The following RAD54B variants were observed in gnomAD, a reference collection of about 807,000 sequenced individuals.
RAD54B encodes the protein DNA repair and recombination protein RAD54B.
A neutral mutation model predicts 95.8 loss-of-function variants in RAD54B; 78 were observed. That is an observed-to-expected ratio of 0.81 (90% CI 0.68 to 0.98). The LOEUF (loss-of-function observed/expected upper bound fraction) is 0.98, where lower values mean the gene tolerates loss of function less well. RAD54B is among the 50% of genes least tolerant of loss of function. The probability of loss-of-function intolerance (pLI) is 0.00; values close to 1 mark genes in which losing one functional copy is unlikely to be tolerated. For missense variants in RAD54B, 957 were observed against 1,056.6 expected (o/e 0.91, Z 1.31); for synonymous variants, 328 against 354.9 (o/e 0.92, Z 0.85).
intron 4 of RAD54B, among the ~76,000 whole-genome samples, chr8:94,408,235 T>C (rs1811441621): frequency 6.6e-6 from 1 of 152,186 alleles, no homozygotes; most frequent in African/African-American, 2.4e-5. Flanking sequence ...AACTCTTTAA[T>C]AAAACATGGA....
chr8:94,382,001 C>T (rs1289122709), intron 11 of RAD54B, among the ~76,000 whole-genome samples: 1 of 151,626 alleles, frequency 6.6e-6, no homozygotes, highest in Admixed American at 6.6e-5. Flanking sequence ...GTAGTCCCAG[C>T]TACTCCGGAG....
chr8:94,434,427 AAC>A (rs958467082), intron 3 of RAD54B, among the ~76,000 whole-genome samples: 1 of 151,938 alleles, frequency 6.6e-6, no homozygotes, highest in African/African-American at 2.4e-5. Flanking sequence ...AGTTTACAAA[AAC>A]ACAAAATATA....
At chr8:94,427,906 G>C (rs1263648292) in intron 3 of RAD54B, 22 of 932,916 alleles carry the variant, frequency 2.4e-5, no homozygotes, top group Non-Finnish European at 2.8e-5. Flanking sequence ...CATAAGTAAA[G>C]ATAGAACAGG....
chr8:94,443,256 T>C (rs1021793688), intron 3 of RAD54B, among the ~76,000 whole-genome samples: 2 of 152,010 alleles, frequency 1.3e-5, no homozygotes, highest in Non-Finnish European at 2.9e-5. Flanking sequence ...CACTTATAAG[T>C]GGGAGCTGAA....
intron 3 of RAD54B, among the ~76,000 whole-genome samples, chr8:94,442,382 C>CTA (rs1346939749): frequency 2.6e-5 from 4 of 152,004 alleles, no homozygotes; most frequent in Non-Finnish European, 5.9e-5. Context: ...ACCATCCTGG[C>CTA]TAACATGGTG....
At position 94,399,496 on chromosome 8, in the gene RAD54B, C is replaced by A; in HGVS notation, c.1296G>T (p.Glu432Asp). 1 of 1,613,618 alleles carries A rather than the reference C, an allele frequency of 6.2e-7. No homozygotes were observed. Among genetic ancestry groups the A allele is most frequent in the Non-Finnish European group, 8.5e-7 (1 of 1,179,706 alleles). The change falls in exon 8 of 15, where the codon GAG (glutamate) becomes GAT (aspartate). Residue 432 changes from glutamate to aspartate, a missense_variant. Glu to Asp is a conservative substitution (Grantham distance 45). Coordinates refer to ENST00000336148, the MANE Select transcript of RAD54B (RefSeq NM_012415.3). Reference protein sequence around the residue: ...NIKFDLLICDEGHRLKNSAIK... With the variant: ...NIKFDLLICDDGHRLKNSAIK... Reference sequence around the variant, plus strand: ...TGGCACTGTTCTTCAAACGATGCCCCTCGTCACAGATTAGAAGATCAAATT... The same window carrying A: ...TGGCACTGTTCTTCAAACGATGCCCATCGTCACAGATTAGAAGATCAAATT...
At position 94,378,337 on chromosome 8, in the gene RAD54B, T is replaced by C. The variant is rs1162645187; in HGVS notation, c.2358A>G (p.Gln786=). 1 of 1,614,056 alleles carries C rather than the reference T, an allele frequency of 6.2e-7. No individual in the cohort carries two copies. The highest frequency in any genetic ancestry group is 8.5e-7 in the Non-Finnish European group (1 of 1,179,974). The change falls in exon 14 of 15, where the codon CAA becomes CAG. Residue 786 remains glutamine (Q), a synonymous_variant. Transcript: ENST00000336148. ...GGTCGACAACTGCCCCACAAAGACC[T>C]TGCTTACTGATCTGCCTTTGATAGA... is the stretch of plus-strand genomic sequence containing the variant. ...EKIYQRQISK[Q]GLCGAVVDLT...
At chr8:94,453,304 G>A (rs1045708909) in intron 3 of RAD54B, among the ~76,000 whole-genome samples, 6 of 152,060 alleles carry the variant, frequency 3.9e-5, no homozygotes, top group African/African-American at 7.2e-5. Context: ...TGAGGTGGGC[G>A]GATCACTTGA....
chr8:94,454,228 A>C (rs866227025), intron 3 of RAD54B, among the ~76,000 whole-genome samples: 2 of 152,114 alleles, frequency 1.3e-5, no homozygotes, highest in African/African-American at 4.8e-5. Flanking sequence ...AGGTAAACCC[A>C]TAGAGACAGA....
At chr8:94,397,138 C>A (rs1459475814) in intron 8 of RAD54B, among the ~76,000 whole-genome samples, 1 of 152,130 alleles carries the variant, frequency 6.6e-6, no homozygotes, top group African/African-American at 2.4e-5. Context: ...ATATTAACTC[C>A]ACAGCACTGG....
At chr8:94,436,892 A>C (rs978559543) in intron 3 of RAD54B, 2 of 1,490,170 alleles carry the variant, frequency 1.3e-6, no homozygotes, top group African/African-American at 2.8e-5. Context: ...TTAAGTAGGC[A>C]GTTTCTGAAA....
chr8:94,374,625 G>A (rs1810522714), intron 14 of RAD54B, among the ~76,000 whole-genome samples: 1 of 152,030 alleles, frequency 6.6e-6, no homozygotes, highest in Non-Finnish European at 1.5e-5. Flanking sequence ...AAGAAAACTA[G>A]TGTAATATGT....
At chr8:94,469,110 T>C (rs2130206031) in intron 1 of RAD54B, among the ~76,000 whole-genome samples, 1 of 150,792 alleles carries the variant, frequency 6.6e-6, no homozygotes, top group Admixed American at 6.6e-5. Context: ...GTTTTTTTTT[T>C]TTTAATAAAA....
At chr8:94,472,358 C>T (rs1813191379) in intron 1 of RAD54B, among the ~76,000 whole-genome samples, 1 of 152,280 alleles carries the variant, frequency 6.6e-6, no homozygotes, top group East Asian at 1.9e-4. Context: ...TTAACGGTAA[C>T]TGTCACAGGA....
At chr8:94,433,441 T>C (rs1360530686) in intron 3 of RAD54B, among the ~76,000 whole-genome samples, 2 of 151,878 alleles carry the variant, frequency 1.3e-5, no homozygotes, top group East Asian at 3.8e-4. Flanking sequence ...GTTGAATGAC[T>C]GAAAAAAAAC....
At chr8:94,459,204 G>A (rs1400188838) in intron 2 of RAD54B, among the ~76,000 whole-genome samples, 1 of 151,994 alleles carries the variant, frequency 6.6e-6, no homozygotes, top group East Asian at 1.9e-4. Flanking sequence ...AGGCTGAAGA[G>A]TGCAGTGTCA....
Position 94,411,236 on chromosome 8 carries a change from A to G in RAD54B, c.384T>C (p.Val128=). ...TTTTCTTTGAAGGCTTACACCAAAC[A>G]ACACTGAAATATTTAACTAGGCTAT... ...KSDSLVKYFS[V]VWCKPSKKKH... Residue 128 remains valine, a synonymous_variant, in exon 4 of 15, where the codon GTT becomes GTC. Coordinates refer to ENST00000336148, the MANE Select transcript of RAD54B (RefSeq NM_012415.3). 1 of 1,612,096 alleles carries G rather than the reference A, an allele frequency of 6.2e-7. No homozygotes were observed. Among genetic ancestry groups the G allele is most frequent in the Non-Finnish European group, 8.5e-7 (1 of 1,179,212 alleles).
chr8:94,443,390 T>C (rs867796045), intron 3 of RAD54B, among the ~76,000 whole-genome samples: 1 of 152,234 alleles, frequency 6.6e-6, no homozygotes, highest in Middle Eastern at 3.4e-3. Flanking sequence ...TGGGATGACC[T>C]GTGCAGCAAA....
intron 3 of RAD54B, among the ~76,000 whole-genome samples, chr8:94,441,836 T>C (rs569691008): frequency 3.9e-5 from 6 of 152,110 alleles, no homozygotes; most frequent in African/African-American, 1.2e-4. Context: ...AGACATTACT[T>C]TGGAGGTCGT....
Sources: gnomAD v4.1 joint callset for allele counts (sites outside exome capture counted in the v4.1 genomes callset) on GRCh38, gnomAD v4.1.1 for gene constraint, MANE v1.5 for transcripts, NCBI Gene and HGNC (gene_info 2026-07-23, HGNC 2026-07-21) for gene names.